Variants in TBC1D8B observed in about 807,000 individuals in gnomAD.
The protein encoded by TBC1D8B is RP11-321G1.1.
Under a neutral mutation model 82.9 loss-of-function variants are expected in TBC1D8B, and 75 were observed. The observed-to-expected ratio is 0.90, with a 90% CI of 0.75 to 1.10. The LOEUF is 1.10. TBC1D8B is among the 50% of genes least tolerant of loss of function. The pLI is 0.00. For synonymous variants in TBC1D8B, 276 were observed against 276.8 expected (o/e 1.00, Z 0.03); for missense variants, 794 against 796.9 (o/e 1.00, Z 0.04).
chrX:106,873,028 T>C (rs1159004444), intron 20 of TBC1D8B, among the ~76,000 whole-genome samples: 2 of 111,974 alleles, frequency 1.8e-5, no homozygotes, highest in Non-Finnish European at 3.8e-5. Flanking sequence ...AGTCCAGGAA[T>C]TAGTCTGGAT....
In TBC1D8B at chrX:106,825,950, G is replaced by T. The variant is rs184716979; in HGVS notation, c.828-80G>T. The T allele has an allele frequency of 4.4e-4, 370 of 836,468 alleles. 4 individuals are homozygous for T. The East Asian group carries it at 9.2e-3, about 21-fold the overall frequency. The allele number at this position is 836,468 out of a possible 1,213,427, so 68.9% of individuals were successfully genotyped here. On this transcript the variant is annotated intron_variant, in intron 5 of 20. Coordinates refer to ENST00000357242, the MANE Select transcript of TBC1D8B (RefSeq NM_017752.3). ...CTGTGTGCACAGTGTATGTAGATTA[G>T]TCAATATAGGCATATGTATACCTTA... is the stretch of plus-strand genomic sequence containing the variant.
intron 14 of TBC1D8B, among the ~76,000 whole-genome samples, chrX:106,859,710 G>A (rs930911531): frequency 3.6e-5 from 4 of 111,236 alleles, no homozygotes; most frequent in South Asian, 3.8e-4. Context: ...CTGATTGTTC[G>A]GGCTAGGACT....
At chrX:106,820,816 CAA>C (rs1194698527) in intron 2 of TBC1D8B, 59 bp from the exon 3 acceptor site, 43 of 749,714 alleles carry the variant, frequency 5.7e-5, no homozygotes, top group Non-Finnish European at 8.6e-5. Flanking sequence ...TTTTAAATAA[CAA>C]GAGCAGTTTT....
In TBC1D8B at chrX:106,867,668, G is replaced by T. The variant is rs747542654; in HGVS notation, c.2729-725G>T. 2.1e-3 allele frequency among the ~76,000 whole-genome samples: 235 copies of T among 111,569 alleles called. 2 individuals are homozygous for T. Among genetic ancestry groups the T allele is most frequent in the Non-Finnish European group, 3.7e-3 (196 of 53,104 alleles). On this transcript the variant is annotated intron_variant, in intron 17 of 20. Coordinates refer to ENST00000357242, the MANE Select transcript of TBC1D8B (RefSeq NM_017752.3). ...ATTGCAAAAAGTACCTTTTAGCCGA[G>T]ATGGGGTAGTTCACAAAAACAAACA... is the stretch of plus-strand genomic sequence containing the variant.
chrX:106,865,366 A>G, intron 14 of TBC1D8B, among the ~76,000 whole-genome samples, 193 bp from the exon 15 acceptor site: 1 of 112,578 alleles, frequency 8.9e-6, no homozygotes, highest in Middle Eastern at 4.7e-3. Context: ...CTAGTCTACT[A>G]CTACTTTTTA....
At chrX:106,818,957 T>A (rs184788924) in intron 2 of TBC1D8B, among the ~76,000 whole-genome samples, 184 bp downstream of exon 2, 3,714 of 109,234 alleles carry the variant, frequency 0.034, 62 homozygotes, top group Middle Eastern at 0.1. Flanking sequence ...TTTTTTTTTT[T>A]TTTTAATCCA....
At chrX:106,846,445 G>T (rs954674966) in intron 10 of TBC1D8B, among the ~76,000 whole-genome samples, 4 of 94,857 alleles carry the variant, frequency 4.2e-5, no homozygotes, top group Non-Finnish European at 8.4e-5. Flanking sequence ...AAACTGGGGA[G>T]GGGGGTGGGA....
At chrX:106,838,118 A>T (rs1932219294) in intron 7 of TBC1D8B, among the ~76,000 whole-genome samples, 1 of 111,505 alleles carries the variant, frequency 9.0e-6, no homozygotes, top group Non-Finnish European at 1.9e-5. Flanking sequence ...TTGGTGAGGT[A>T]TCTATTTAGA....
intron 7 of TBC1D8B, chrX:106,829,094 G>C (rs1473707527): frequency 9.4e-6 from 1 of 106,305 alleles, no homozygotes; most frequent in Non-Finnish European, 1.9e-5. Context: ...CTTCAGCAAA[G>C]TCTCAGGATA....
intron 5 of TBC1D8B, among the ~76,000 whole-genome samples, chrX:106,824,999 T>C (rs1931799227): frequency 9.0e-6 from 1 of 111,722 alleles, no homozygotes; most frequent in Admixed American, 9.5e-5. Context: ...CAAAAATAGG[T>C]CTGGACATCA....
At chrX:106,832,903 T>C (rs893528237) in intron 7 of TBC1D8B, among the ~76,000 whole-genome samples, 5 of 111,116 alleles carry the variant, frequency 4.5e-5, no homozygotes, top group Admixed American at 3.8e-4. Flanking sequence ...ATGACCATAA[T>C]ATAAATTTGG....
intron 1 of TBC1D8B, among the ~76,000 whole-genome samples, chrX:106,807,227 AAC>A (rs1177815193): frequency 6.6e-5 from 7 of 106,135 alleles, no homozygotes; most frequent in African/African-American, 2.4e-4. Context: ...CACACACACA[AAC>A]ACACACACAC....
At chrX:106,857,911 A>T (rs1416074818) in intron 14 of TBC1D8B, among the ~76,000 whole-genome samples, 1 of 112,352 alleles carries the variant, frequency 8.9e-6, no homozygotes, top group Non-Finnish European at 1.9e-5. Flanking sequence ...AATAATTTAT[A>T]TTCCTTTAGG....
At chrX:106,811,569 T>C (rs752813243) in intron 1 of TBC1D8B, among the ~76,000 whole-genome samples, 1 of 111,752 alleles carries the variant, frequency 8.9e-6, no homozygotes, top group Admixed American at 9.5e-5. Flanking sequence ...CATTTTCTGA[T>C]TATTATTATA....
At chrX:106,826,445 T>C in intron 6 of TBC1D8B, among the ~76,000 whole-genome samples, 1 of 111,045 alleles carries the variant, frequency 9.0e-6, no homozygotes, top group African/African-American at 3.3e-5. Flanking sequence ...TATTATACTT[T>C]AAGTTTTAGG....
intron 2 of TBC1D8B, among the ~76,000 whole-genome samples, chrX:106,819,944 C>T (rs886531766): frequency 6.3e-5 from 7 of 110,612 alleles, no homozygotes; most frequent in African/African-American, 2.3e-4. Flanking sequence ...ACATTTCCCC[C>T]ATGGCTTTTA....
At chrX:106,806,955 T>C (rs1278130432) in intron 1 of TBC1D8B, among the ~76,000 whole-genome samples, 1 of 111,734 alleles carries the variant, frequency 8.9e-6, no homozygotes, top group African/African-American at 3.3e-5. Flanking sequence ...AGGTAACCTT[T>C]TTAAAACCTC....
chrX:106,875,508 T>C lies in TBC1D8B; in HGVS notation c.*1543T>C, dbSNP rs1022432243. 5.3e-5 allele frequency: 6 copies of C among 112,482 alleles called. No individual in the cohort carries two copies. Among genetic ancestry groups the C allele is most frequent in the African/African-American group, 1.9e-4 (6 of 31,023 alleles). The allele number at this position is 112,482 out of a possible 1,213,427, so 9.3% of individuals were successfully genotyped here. The stretch of plus-strand genomic sequence containing the variant: ...CTTACTAGTAGTGTCTTTAAATTAT[T>C]TAATCAACCTTGTCTTTTCAAGGAA... On this transcript the variant is annotated 3_prime_UTR_variant, in exon 21 of 21. Coordinates refer to ENST00000357242, the MANE Select transcript of TBC1D8B (RefSeq NM_017752.3).
At chrX:106,863,458 G>A (rs894001101) in intron 14 of TBC1D8B, among the ~76,000 whole-genome samples, 39 of 111,338 alleles carry the variant, frequency 3.5e-4, no homozygotes, top group African/African-American at 1.2e-3. Flanking sequence ...TGGCAAACAG[G>A]TCTTATCCTT....
Sources: allele counts gnomAD v4.1 joint callset (sites outside exome capture counted in the v4.1 genomes callset), GRCh38; gene constraint gnomAD v4.1.1; transcripts MANE v1.5; gene names NCBI Gene and HGNC (gene_info 2026-07-23, HGNC 2026-07-21).